CDH12: variants seen among roughly 807,000 people sequenced by gnomAD.
The protein encoded by CDH12 is cadherin 12.
Under a neutral mutation model 74.1 loss-of-function variants are expected in CDH12, and 41 were observed. That is an observed-to-expected ratio of 0.55 (90% CI 0.43 to 0.72). CDH12 has a LOEUF of 0.72. Ranked by LOEUF, CDH12 falls within the 30% of genes least tolerant of loss-of-function variation. The pLI, the probability that CDH12 is intolerant of heterozygous loss-of-function variation, is 0.00. For synonymous variants in CDH12, 399 were observed against 355.0 expected, an observed-to-expected ratio of 1.12 and a Z score of -1.39; for missense variants, 945 against 977.2, an observed-to-expected ratio of 0.97 and a Z score of 0.44.
rs150699049 is a variant in CDH12 at position 22,640,161 on chromosome 5, A to T, written c.-522-134797T>A. On this transcript the variant is annotated intron_variant, in intron 1 of 14. Transcript: ENST00000382254. ...TCTCTGATATGGATCCACTCTATTA[A>T]ATTTTGCCCTGAAGTTCATGATAGT... is the stretch of plus-strand genomic sequence containing the variant. Among the ~76,000 whole-genome samples, 354 of 152,172 alleles carry T rather than the reference A, an allele frequency of 2.3e-3. 2 individuals carry two copies. Among genetic ancestry groups the T allele is most frequent in the African/African-American group, 8.2e-3 (340 of 41,528 alleles).
At chr5:22,244,740 A>AAAAG (rs200900772) in intron 3 of CDH12, among the ~76,000 whole-genome samples, 12,804 of 92,164 alleles carry the variant, frequency 0.14, 791 homozygotes, top group East Asian at 0.18. Flanking sequence ...AGAAAGAAAG[A>AAAAG]AAAGAAAGAA....
At chr5:21,837,622 C>T (rs544686554) in intron 8 of CDH12, among the ~76,000 whole-genome samples, 151 of 152,150 alleles carry the variant, frequency 9.9e-4, no homozygotes, top group African/African-American at 3.2e-3. Context: ...TCACACTTGA[C>T]GGTTAATTGT....
intron 5 of CDH12, among the ~76,000 whole-genome samples, chr5:21,999,417 A>T (rs1180773618): frequency 6.6e-6 from 1 of 152,166 alleles, no homozygotes; most frequent in Non-Finnish European, 1.5e-5. Context: ...TCGGCACACA[A>T]ACCCATTGAA....
At chr5:22,551,277 A>G (rs1561485333) in intron 1 of CDH12, among the ~76,000 whole-genome samples, 2 of 152,194 alleles carry the variant, frequency 1.3e-5, no homozygotes, top group South Asian at 4.1e-4. Flanking sequence ...TTGGCCTCAC[A>G]AGAATCAATC....
chr5:22,842,501 G>T (rs190091246), intron 1 of CDH12, among the ~76,000 whole-genome samples: 88 of 152,064 alleles, frequency 5.8e-4, no homozygotes, highest in African/African-American at 2.0e-3. Context: ...AAATAGTCAA[G>T]GACCAGAGCT....
intron 1 of CDH12, among the ~76,000 whole-genome samples, chr5:22,579,710 A>G (rs576005074): frequency 8.5e-5 from 13 of 152,332 alleles, no homozygotes; most frequent in Admixed American, 7.8e-4. Context: ...GTGTTAGAGC[A>G]GAAAATAAAT....
chr5:22,745,460 A>G (rs1406533040), intron 1 of CDH12, among the ~76,000 whole-genome samples: 1 of 152,176 alleles, frequency 6.6e-6, no homozygotes, highest in Non-Finnish European at 1.5e-5. Flanking sequence ...TTGAAGACAC[A>G]TGCATGTGTA....
At chr5:21,957,303 T>C (rs1756144930) in intron 6 of CDH12, among the ~76,000 whole-genome samples, 1 of 152,192 alleles carries the variant, frequency 6.6e-6, no homozygotes. Flanking sequence ...ATTTTCTTTA[T>C]CTAAACTCTT....
chr5:22,827,026 C>T (rs987107053), intron 1 of CDH12, among the ~76,000 whole-genome samples: 1 of 152,148 alleles, frequency 6.6e-6, no homozygotes, highest in Admixed American at 6.5e-5. Context: ...TGTAAGAGAC[C>T]TTTGCAGCAG....
At chr5:22,452,988 CA>C (rs1252348893) in intron 2 of CDH12, among the ~76,000 whole-genome samples, 1 of 147,854 alleles carries the variant, frequency 6.8e-6, no homozygotes, top group Non-Finnish European at 1.5e-5. Flanking sequence ...AAAATATGTT[CA>C]ACATCATTAT....
At chr5:22,195,794 C>G (rs1045729796) in intron 4 of CDH12, among the ~76,000 whole-genome samples, 10 of 152,284 alleles carry the variant, frequency 6.6e-5, no homozygotes, top group Non-Finnish European at 1.0e-4. Context: ...CATTTTCTCT[C>G]CTTTATTTCT....
intron 1 of CDH12, among the ~76,000 whole-genome samples, chr5:22,776,200 A>G (rs1747093051): frequency 1.3e-5 from 2 of 152,168 alleles, no homozygotes; most frequent in Admixed American, 1.3e-4. Flanking sequence ...TGGACAGGTT[A>G]ACTAATTACA....
intron 6 of CDH12, among the ~76,000 whole-genome samples, chr5:21,880,580 C>CTTCCCTTCTTTCTTTCT (rs1561268123): frequency 2.4e-5 from 1 of 41,290 alleles, no homozygotes; most frequent in African/African-American, 9.6e-5. Context: ...TCTTTCCTTC[C>CTTCCCTTCTTTCTTTCT]TTCCTTCCTT....
chr5:22,529,080 T>C (rs1737427526), intron 1 of CDH12, among the ~76,000 whole-genome samples: 1 of 150,760 alleles, frequency 6.6e-6, no homozygotes, highest in Non-Finnish European at 1.5e-5. Context: ...TATGCATATA[T>C]ATGCATGCAA....
chr5:22,711,443 A>T (rs1050290823), intron 1 of CDH12, among the ~76,000 whole-genome samples: 4 of 152,130 alleles, frequency 2.6e-5, no homozygotes, highest in African/African-American at 9.6e-5. Flanking sequence ...CACCATACAC[A>T]AAATACCCAG....
At chr5:21,909,698 A>AC (rs1753783530) in intron 6 of CDH12, among the ~76,000 whole-genome samples, 1 of 152,224 alleles carries the variant, frequency 6.6e-6, no homozygotes, top group Non-Finnish European at 1.5e-5. Flanking sequence ...AATAAACATC[A>AC]TAAAAATCTA....
chr5:21,991,945 T>G (rs374253446), intron 5 of CDH12, among the ~76,000 whole-genome samples: 2 of 152,184 alleles, frequency 1.3e-5, no homozygotes, highest in East Asian at 3.9e-4. Context: ...GCATAATAAT[T>G]TATACATAAT....
chr5:22,411,475 A>G (rs146344022), intron 2 of CDH12, among the ~76,000 whole-genome samples: 1 of 151,980 alleles, frequency 6.6e-6, no homozygotes, highest in African/African-American at 2.4e-5. Context: ...GGTAAACTTC[A>G]CCATGTGATT....
intron 8 of CDH12, among the ~76,000 whole-genome samples, chr5:21,832,370 T>C (rs1467824761): frequency 6.6e-6 from 1 of 152,112 alleles, no homozygotes; most frequent in African/African-American, 2.4e-5. Flanking sequence ...ATTTTCTTTT[T>C]ATATGCCTAC....
Sources: gnomAD v4.1 joint callset for allele counts (sites outside exome capture counted in the v4.1 genomes callset) on GRCh38, gnomAD v4.1.1 for gene constraint, MANE v1.5 for transcripts, NCBI Gene and HGNC (gene_info 2026-07-23, HGNC 2026-07-21) for gene names.